The following RAD51 variants were observed in gnomAD, a reference collection of about 807,000 sequenced individuals.
RAD51 encodes the protein RAD51 recombinase.
RAD51 carries 14 observed loss-of-function variants against 41.5 expected under a neutral mutation model. The observed-to-expected ratio is 0.34, with a 90% CI of 0.22 to 0.53. The LOEUF is 0.53. Ranked by LOEUF, RAD51 falls within the 20% of genes least tolerant of loss-of-function variation. The pLI, the probability that RAD51 is intolerant of heterozygous loss-of-function variation, is 0.95. For missense variants in RAD51, 234 were observed against 422.0 expected, an observed-to-expected ratio of 0.55 and a Z score of 3.90; for synonymous variants, 136 against 148.6, an observed-to-expected ratio of 0.92 and a Z score of 0.62.
At chr15:40,705,660 A>G (rs1895284375) in intron 3 of RAD51, among the ~76,000 whole-genome samples, 1 of 152,154 alleles carries the variant, frequency 6.6e-6, no homozygotes, top group South Asian at 2.1e-4. Context: ...GCTGGAGTAC[A>G]GTGGCGCGAT....
In RAD51 at chr15:40,729,963, A is replaced by G. The variant is rs779197451; in HGVS notation, c.885A>G (p.Ala295=). The G allele has an allele frequency of 1.4e-5, 22 of 1,614,100 alleles. No homozygotes were observed. The Admixed American group carries it at 2.8e-4, about 21-fold the overall frequency. ...TTGGAGGAAATATCATCGCCCATGC[A>G]TCAACAACCAGGTAAGGTGTTGATG... The part of the protein sequence containing the change: ...KPIGGNIIAH[A]STTRLYLRKG... Residue 295 remains alanine (A), a synonymous_variant, in exon 9 of 10, where the codon GCA becomes GCG. Transcript: ENST00000267868.
intron 3 of RAD51, among the ~76,000 whole-genome samples, chr15:40,704,000 TCAAA>T (rs1209052489): frequency 9.9e-5 from 15 of 152,114 alleles, no homozygotes; most frequent in African/African-American, 2.9e-4. Context: ...AACTCCTGGC[TCAAA>T]CAAACCTTCT....
chr15:40,698,155 G>C (rs2928140), intron 1 of RAD51, among the ~76,000 whole-genome samples: 76,396 of 150,358 alleles, frequency 0.51, 20,205 homozygotes, highest in African/African-American at 0.64. Flanking sequence ...GGTTACCACT[G>C]TTCTATTTGT....
intron 5 of RAD51, among the ~76,000 whole-genome samples, chr15:40,711,949 G>A (rs1041647795): frequency 6.6e-6 from 1 of 152,002 alleles, no homozygotes; most frequent in African/African-American, 2.4e-5. Flanking sequence ...GGCTGTGCCT[G>A]TAGTGGCAGC....
At position 40,725,879 on chromosome 15, in the gene RAD51, G is replaced by A. The variant is rs142820197; in HGVS notation, c.531-2832G>A. On this transcript the variant is annotated intron_variant, in intron 6 of 9. Transcript: ENST00000267868. ...CGGGCACCTGTAATCCCAGCTACTCGGGAGGCTGAGGCAGGAGAATCACTT... is the reference window on the plus strand; with the variant it reads ...CGGGCACCTGTAATCCCAGCTACTCAGGAGGCTGAGGCAGGAGAATCACTT... Among the ~76,000 whole-genome samples, 345 of 152,098 alleles carry A rather than the reference G, an allele frequency of 2.3e-3. 3 individuals are homozygous for A. The highest frequency in any genetic ancestry group is 8.1e-3 in the African/African-American group (337 of 41,508).
chr15:40,702,464 T>C lies in RAD51; in HGVS notation c.225+1263T>C, dbSNP rs377691651. Among the ~76,000 whole-genome samples, 6 of 152,336 alleles carry C rather than the reference T, an allele frequency of 3.9e-5. No individual in the cohort carries two copies. The East Asian group carries it at 1.2e-3, about 29-fold the overall frequency. ...AGACTTACGTGTCTTTACTTTTCAATATTTTATGTTCTTTGTTTCTGGCCA... is the reference window on the plus strand; with the variant it reads ...AGACTTACGTGTCTTTACTTTTCAACATTTTATGTTCTTTGTTTCTGGCCA... On this transcript the variant is annotated intron_variant, in intron 3 of 9. Coordinates refer to ENST00000267868, the MANE Select transcript of RAD51 (RefSeq NM_002875.5).
upstream of RAD51, chr15:40,694,811 C>G (rs922748527): frequency 7.2e-5 from 11 of 152,304 alleles, no homozygotes; most frequent in African/African-American, 2.6e-4. Flanking sequence ...AAACAGAAGA[C>G]GGCAACTCGG....
At position 40,728,774 on chromosome 15, in the gene RAD51, C is replaced by T. The variant is rs1896718459; in HGVS notation, c.594C>T (p.Asp198=). The T allele has an allele frequency of 6.2e-7, 1 of 1,614,022 alleles. No individual in the cohort carries two copies. Among genetic ancestry groups the T allele is most frequent in the South Asian group, 1.1e-5 (1 of 91,090 alleles). The change falls in exon 7 of 10, where the codon GAC becomes GAT. Residue 198 remains aspartate, a synonymous_variant. Transcript: ENST00000267868. The stretch of plus-strand genomic sequence containing the variant: ...CATATGCTCGAGCGTTCAACACAGA[C>T]CACCAGACCCAGCTCCTTTATCAAG... The part of the protein sequence containing the change: ...NVAYARAFNT[D]HQTQLLYQAS...
chr15:40,711,415 G>A (rs1362247342), intron 5 of RAD51, among the ~76,000 whole-genome samples: 2 of 152,148 alleles, frequency 1.3e-5, no homozygotes, highest in Admixed American at 6.6e-5. Flanking sequence ...TATTGCTAGT[G>A]CCTAAGGCAG....
In RAD51 at chr15:40,705,848, C is replaced by T. The variant is rs181841080; in HGVS notation, c.226-329C>T. On this transcript the variant is annotated intron_variant, in intron 3 of 9. Coordinates refer to ENST00000267868, the MANE Select transcript of RAD51 (RefSeq NM_002875.5). ...GTCTCGATCTCCTGACGTTGTGATC[C>T]GCCTGCCTTGGCCTTCCAAAGTGCT... Among the ~76,000 whole-genome samples the T allele has an allele frequency of 6.6e-4, 101 of 152,274 alleles. No individual in the cohort carries two copies. In the East Asian group the frequency reaches 0.012, roughly 18 times the overall value.
rs1334017054 is a variant in RAD51, at chr15:40,708,384, G to T, written c.344-641G>T. Among the ~76,000 whole-genome samples the T allele has an allele frequency of 2.0e-5, 3 of 151,314 alleles. No homozygotes were observed. In the East Asian group the frequency reaches 5.9e-4, roughly 30 times the overall value. ...CTGGGATTACAGGTGCCCATCACCAGTTCCAGCTAAGTTTTGTATTTTTAG... is the reference window on the plus strand; with the variant it reads ...CTGGGATTACAGGTGCCCATCACCATTTCCAGCTAAGTTTTGTATTTTTAG... On this transcript the variant is annotated intron_variant, in intron 4 of 9. Transcript: ENST00000267868.
intron 1 of RAD51, among the ~76,000 whole-genome samples, chr15:40,697,765 A>G (rs964875565): frequency 1.3e-5 from 2 of 150,590 alleles, no homozygotes; most frequent in Non-Finnish European, 3.0e-5. Flanking sequence ...GTTAGCCAGG[A>G]TGGTCTCGAT....
chr15:40,727,431 C>T (rs907564581), intron 6 of RAD51, among the ~76,000 whole-genome samples: 2 of 152,074 alleles, frequency 1.3e-5, no homozygotes, highest in South Asian at 4.1e-4. Flanking sequence ...GCCTCAGCCT[C>T]CCAAGTAGCT....
chr15:40,695,402 G>C lies in RAD51; in HGVS notation c.-26G>C, dbSNP rs1894551182. 6.5e-6 allele frequency: 1 copy of C among 152,988 alleles called. No homozygotes were observed. The highest frequency in any genetic ancestry group is 1.5e-5 in the Non-Finnish European group (1 of 68,680). 9.5% of individuals were successfully genotyped at this position (152,988 alleles called of 1,614,324 possible). ...TGAAGTCGGAGCGCGGGGCCTGCTG[G>C]AGAGAGGAGCGCTGCGGACCGAGGT... is the stretch of plus-strand genomic sequence containing the variant. On this transcript the variant is annotated 5_prime_UTR_variant, in exon 1 of 10. Transcript: ENST00000267868.
intron 5 of RAD51, among the ~76,000 whole-genome samples, chr15:40,709,898 C>T (rs1219458991): frequency 2.6e-5 from 4 of 151,970 alleles, no homozygotes; most frequent in African/African-American, 9.7e-5. Flanking sequence ...CACGGTGGCT[C>T]ACGCCTGTAA....
At chr15:40,710,372 C>T (rs935965188) in intron 5 of RAD51, among the ~76,000 whole-genome samples, 1 of 146,688 alleles carries the variant, frequency 6.8e-6, no homozygotes, top group South Asian at 2.2e-4. Flanking sequence ...CGTGTTGGCA[C>T]GTGCCTGTAA....
chr15:40,713,294 G>C (rs1895810830), intron 5 of RAD51, among the ~76,000 whole-genome samples: 1 of 148,216 alleles, frequency 6.7e-6, no homozygotes, highest in African/African-American at 2.5e-5. Context: ...GCCTAGGCAG[G>C]AGTGCAGTGG....
At chr15:40,729,467 G>A (rs781484536) in intron 7 of RAD51, 38 bp from the exon 8 acceptor site, 1 of 1,607,788 alleles carries the variant, frequency 6.2e-7, no homozygotes, top group Admixed American at 1.7e-5. Flanking sequence ...TCTGACACAG[G>A]CTAGAAATAG....
intron 6 of RAD51, among the ~76,000 whole-genome samples, chr15:40,720,956 C>T (rs780901737): frequency 2.0e-5 from 3 of 152,170 alleles, no homozygotes; most frequent in Admixed American, 6.6e-5. Context: ...CCAAGGTGGG[C>T]GGATCACCTG....
Sources: allele counts gnomAD v4.1 joint callset (sites outside exome capture counted in the v4.1 genomes callset), GRCh38; gene constraint gnomAD v4.1.1; transcripts MANE v1.5; gene names NCBI Gene and HGNC (gene_info 2026-07-23, HGNC 2026-07-21).